SYCP1: variants seen among roughly 807,000 people sequenced by gnomAD.
The protein encoded by SYCP1 is synaptonemal complex protein 1.
In SYCP1, 64 loss-of-function variants were observed where a neutral mutation model predicts 153.1. The observed-to-expected ratio is 0.42, with a 90% CI of 0.34 to 0.51. The LOEUF is 0.51. Ranked by LOEUF, SYCP1 falls within the 20% of genes least tolerant of loss-of-function variation. SYCP1 has a pLI of 0.06. For synonymous variants in SYCP1, 384 were observed against 341.8 expected (o/e 1.12, Z -1.36); for missense variants, 997 against 1,049.0 (o/e 0.95, Z 0.68).
intron 16 of SYCP1, among the ~76,000 whole-genome samples, chr1:114,897,749 C>T (rs1361363511): frequency 6.6e-6 from 1 of 152,130 alleles, no homozygotes; most frequent in Non-Finnish European, 1.5e-5. Context: ...AATGGCTACT[C>T]ATCTAGAAAA....
At chr1:114,963,877 G>A (rs1340109109) in intron 27 of SYCP1, among the ~76,000 whole-genome samples, 1 of 152,104 alleles carries the variant, frequency 6.6e-6, no homozygotes, top group Non-Finnish European at 1.5e-5. Context: ...ATAATCCTTT[G>A]GGTATATACC....
chr1:114,896,278 T>A (rs1033392701), intron 16 of SYCP1, among the ~76,000 whole-genome samples: 3 of 152,174 alleles, frequency 2.0e-5, no homozygotes, highest in African/African-American at 7.2e-5. Flanking sequence ...GGAGCATTAT[T>A]TTAAAATATT....
At chr1:114,859,419 GA>G (rs1664232283) in intron 6 of SYCP1, among the ~76,000 whole-genome samples, 1 of 151,986 alleles carries the variant, frequency 6.6e-6, no homozygotes, top group Admixed American at 6.6e-5. Context: ...AGCATAAAGT[GA>G]AAAAAATGTT....
chr1:114,863,697 T>C (rs1312035631), intron 8 of SYCP1, among the ~76,000 whole-genome samples: 1 of 152,186 alleles, frequency 6.6e-6, no homozygotes, highest in Non-Finnish European at 1.5e-5. Flanking sequence ...ATGATGAGCT[T>C]TTTTTCACAT....
At chr1:114,934,613 G>C (rs1156781313) in intron 23 of SYCP1, among the ~76,000 whole-genome samples, 3 of 152,102 alleles carry the variant, frequency 2.0e-5, no homozygotes, top group African/African-American at 7.2e-5. Context: ...ATACAGACTG[G>C]CAAATTGGAT....
At chr1:114,955,868 G>A (rs1238714212) in intron 27 of SYCP1, among the ~76,000 whole-genome samples, 1 of 152,198 alleles carries the variant, frequency 6.6e-6, no homozygotes, top group African/African-American at 2.4e-5. Flanking sequence ...TCCTCTAAGT[G>A]GCTTGGCTAT....
intron 23 of SYCP1, among the ~76,000 whole-genome samples, chr1:114,932,036 C>T (rs1471400071): frequency 6.6e-6 from 1 of 152,094 alleles, no homozygotes; most frequent in East Asian, 1.9e-4. Context: ...AACCTTGACC[C>T]TTACATCAGA....
At chr1:114,862,793 T>C (rs549323512) in intron 8 of SYCP1, 4 of 152,350 alleles carry the variant, frequency 2.6e-5, no homozygotes, top group Admixed American at 6.5e-5. Flanking sequence ...TTTAAAGTCT[T>C]GACACTTGCT....
intron 27 of SYCP1, among the ~76,000 whole-genome samples, chr1:114,970,575 G>C (rs549751088): frequency 6.6e-6 from 1 of 151,906 alleles, no homozygotes; most frequent in Non-Finnish European, 1.5e-5. Flanking sequence ...AAGGGCTGCT[G>C]TTCAGATTCT....
chr1:114,966,353 G>C (rs913532515), intron 27 of SYCP1, among the ~76,000 whole-genome samples: 5 of 151,884 alleles, frequency 3.3e-5, no homozygotes, highest in Non-Finnish European at 7.4e-5. Context: ...CTTCAGTTCT[G>C]CTCTGATCTT....
At chr1:114,861,799 C>CTTT (rs1334859101) in intron 8 of SYCP1, among the ~76,000 whole-genome samples, 1 of 129,872 alleles carries the variant, frequency 7.7e-6, no homozygotes, top group South Asian at 2.4e-4. Context: ...TTTTTTTATT[C>CTTT]TTTTTTTTTT....
intron 23 of SYCP1, among the ~76,000 whole-genome samples, chr1:114,935,711 A>G (rs955457787): frequency 6.6e-6 from 1 of 152,240 alleles, no homozygotes; most frequent in East Asian, 1.9e-4. Flanking sequence ...ATAAAAAATG[A>G]TAAAGGGGAT....
intron 23 of SYCP1, among the ~76,000 whole-genome samples, chr1:114,934,765 C>T (rs1669880541): frequency 6.6e-6 from 1 of 152,114 alleles, no homozygotes; most frequent in Non-Finnish European, 1.5e-5. Flanking sequence ...ATCCCAGTCT[C>T]TGATAAAACA....
chr1:114,920,600 A>G (rs1463082790), intron 20 of SYCP1, among the ~76,000 whole-genome samples: 3 of 152,036 alleles, frequency 2.0e-5, no homozygotes, highest in African/African-American at 7.2e-5. Flanking sequence ...CTATTATTTT[A>G]CTGGAACCTA....
intron 6 of SYCP1, 132 bp from the exon 7 acceptor site, chr1:114,859,611 C>T: frequency 2.5e-6 from 1 of 400,736 alleles, no homozygotes; most frequent in Non-Finnish European, 3.8e-6. Flanking sequence ...AAAATGTTTC[C>T]TTTTTATGTG....
At chr1:114,939,669 T>C (rs1670257767) in intron 23 of SYCP1, among the ~76,000 whole-genome samples, 1 of 152,202 alleles carries the variant, frequency 6.6e-6, no homozygotes, top group South Asian at 2.1e-4. Flanking sequence ...GGGAACTTTC[T>C]GGGATTATGG....
At chr1:114,873,797 G>A (rs1313022433) in intron 8 of SYCP1, among the ~76,000 whole-genome samples, 2 of 151,980 alleles carry the variant, frequency 1.3e-5, no homozygotes, top group Non-Finnish European at 2.9e-5. Flanking sequence ...TCACTCTGTC[G>A]CCCAGCTCAC....
intron 12 of SYCP1, among the ~76,000 whole-genome samples, chr1:114,883,843 C>A (rs996435262): frequency 6.6e-6 from 1 of 152,260 alleles, no homozygotes; most frequent in Non-Finnish European, 1.5e-5. Flanking sequence ...CAGGCATGCA[C>A]CACCATGCCC....
At chr1:114,966,201 A>AT (rs1672117027) in intron 27 of SYCP1, among the ~76,000 whole-genome samples, 1 of 151,732 alleles carries the variant, frequency 6.6e-6, no homozygotes, top group Non-Finnish European at 1.5e-5. Flanking sequence ...CCCCTTTATC[A>AT]TTTTTTATTG....
Sources: gnomAD v4.1 joint callset for allele counts (sites outside exome capture counted in the v4.1 genomes callset) on GRCh38, gnomAD v4.1.1 for gene constraint, MANE v1.5 for transcripts, NCBI Gene and HGNC (gene_info 2026-07-23, HGNC 2026-07-21) for gene names.